Variants in ZIC1 observed in about 807,000 individuals in gnomAD.
ZIC1 encodes the protein zinc finger protein ZIC 1.
In ZIC1, 4 loss-of-function variants were observed where a neutral mutation model predicts 30.9. The ratio of observed to expected loss-of-function variants is 0.13; its 90% CI spans 0.06 to 0.30. The LOEUF (loss-of-function observed/expected upper bound fraction) is 0.30. Ranked by LOEUF, ZIC1 falls within the 10% of genes least tolerant of loss-of-function variation. ZIC1 has a pLI of 1.00. For synonymous variants in ZIC1, 305 were observed against 277.5 expected (o/e 1.10, Z -0.98); for missense variants, 441 against 639.3 (o/e 0.69, Z 3.34).
At chr3:147,411,845 C>A (rs1401898671) in intron 1 of ZIC1, among the ~76,000 whole-genome samples, 1 of 151,904 alleles carries the variant, frequency 6.6e-6, no homozygotes, top group African/African-American at 2.4e-5. Context: ...AAAAAAAGTT[C>A]CCACGAGCTC....
Position 147,410,666 on chromosome 3 carries a change from G to T in ZIC1, c.554G>T (p.Arg185Leu), listed in dbSNP as rs2107993076. Reference protein sequence around the residue: ...PEQYGQVTSPRSEHYAAPQLH... With the variant: ...PEQYGQVTSPLSEHYAAPQLH... ...CAGTACGGCCAGGTGACCAGCCCGC[G>T]TTCGGAGCACTATGCTGCGCCGCAG... The change falls in exon 1 of 3, where the codon CGT (arginine) becomes CTT (leucine). Residue 185 changes from arginine (R) to leucine (L), a missense_variant. Transcript: ENST00000282928. 1 of 1,613,846 alleles carries T rather than the reference G, an allele frequency of 6.2e-7. No individual in the cohort carries two copies. Among genetic ancestry groups the T allele is most frequent in the Non-Finnish European group, 8.5e-7 (1 of 1,179,954 alleles).
rs941435658 is a variant in ZIC1, at chr3:147,416,243, C to A, written c.*2692C>A. 6.6e-6 allele frequency: 1 copy of A among 152,216 alleles called. No individual in the cohort carries two copies. The highest frequency in any genetic ancestry group is 2.1e-4 in the South Asian group (1 of 4,830). The allele number at this position is 152,216 out of a possible 1,614,324, so 9.4% of individuals were successfully genotyped here. A position where few individuals can be genotyped will look rare whatever the true frequency, so the allele number is the denominator to read the frequency against. On this transcript the variant is annotated 3_prime_UTR_variant, in exon 3 of 3. Coordinates refer to ENST00000282928, the MANE Select transcript of ZIC1 (RefSeq NM_003412.4). ...TCTCTTCTCTCTAGAAAAGATAACA[C>A]CACAATTAATAATCCTTCCCACTTT...
In ZIC1 at chr3:147,410,133, C is replaced by G. The variant is rs762308258; in HGVS notation, c.21C>G (p.Pro7=). The G allele has an allele frequency of 3.2e-6, 5 of 1,586,878 alleles. No individual in the cohort carries two copies. Among genetic ancestry groups the G allele is most frequent in the Non-Finnish European group, 4.3e-6 (5 of 1,173,840 alleles). ...CCACGATGCTCCTGGACGCCGGCCC[C>G]CAGTACCCAGCGATCGGCGTGACCA... is the stretch of plus-strand genomic sequence containing the variant. MLLDAG[P]QYPAIGVTTF... The change falls in exon 1 of 3, where the codon CCC becomes CCG. Residue 7 remains proline, a synonymous_variant. Coordinates refer to ENST00000282928, the MANE Select transcript of ZIC1 (RefSeq NM_003412.4).
At chr3:147,412,286 C>G (rs974344848) in intron 1 of ZIC1, among the ~76,000 whole-genome samples, 2 of 152,066 alleles carry the variant, frequency 1.3e-5, no homozygotes, top group Non-Finnish European at 2.9e-5. Flanking sequence ...TTTTTTTAAA[C>G]ATAAAAATAA....
chr3:147,413,487 C>A lies in ZIC1; in HGVS notation c.1280C>A (p.Ser427Tyr), dbSNP rs772192749. The A allele has an allele frequency of 6.2e-7, 1 of 1,614,188 alleles. No individual in the cohort carries two copies. The highest frequency in any genetic ancestry group is 8.5e-7 in the Non-Finnish European group (1 of 1,180,044). Residue 427 changes from serine (S) to tyrosine (Y), a missense_variant, in exon 3 of 3, where the codon TCC becomes TAC. Ser to Tyr is a moderately radical substitution (Grantham distance 144, BLOSUM62 -2). Coordinates refer to ENST00000282928, the MANE Select transcript of ZIC1 (RefSeq NM_003412.4). ...PTTSSLSPSS[S>Y]AVHHTAGHSA... Reference sequence around the variant, plus strand: ...ACAAGCTCCTTATCGCCCTCCTCCTCCGCAGTCCACCACACAGCCGGCCAC... The same window carrying A: ...ACAAGCTCCTTATCGCCCTCCTCCTACGCAGTCCACCACACAGCCGGCCAC...
Position 147,410,229 on chromosome 3 carries a change from G to A in ZIC1, c.117G>A (p.Pro39=), listed in dbSNP as rs772782575. ...AERDVGLGIN[P]FADGMGAFKL... Reference sequence around the variant, plus strand: ...GAGACGTGGGCCTGGGCATCAACCCGTTCGCCGACGGCATGGGCGCCTTCA... The same window carrying A: ...GAGACGTGGGCCTGGGCATCAACCCATTCGCCGACGGCATGGGCGCCTTCA... The change falls in exon 1 of 3, where the codon CCG becomes CCA. Residue 39 remains proline (P), a synonymous_variant. Coordinates refer to ENST00000282928, the MANE Select transcript of ZIC1 (RefSeq NM_003412.4). 1.9e-6 allele frequency: 3 copies of A among 1,601,422 alleles called. No individual in the cohort carries two copies. Among genetic ancestry groups the A allele is most frequent in the African/African-American group, 2.7e-5 (2 of 74,916 alleles).
At position 147,410,716 on chromosome 3, in the gene ZIC1, G is replaced by C. The variant is rs1204029433; in HGVS notation, c.604G>C (p.Val202Leu). 1.2e-6 allele frequency: 2 copies of C among 1,614,048 alleles called. No individual in the cohort carries two copies. Among genetic ancestry groups the C allele is most frequent in the Non-Finnish European group, 1.7e-6 (2 of 1,179,960 alleles). Reference sequence around the variant, plus strand: ...GCTGCACGGCTACGGGCCCATGAACGTGAACATGGCCGCGCATCACGGCGC... The same window carrying C: ...GCTGCACGGCTACGGGCCCATGAACCTGAACATGGCCGCGCATCACGGCGC... ...PQLHGYGPMN[V>L]NMAAHHGAGA... Residue 202 changes from valine (V) to leucine (L), a missense_variant, in exon 1 of 3, where the codon GTG becomes CTG. Physicochemically the swap from Val to Leu is conservative, Grantham distance 32 (BLOSUM62 1). This residue lies in a region of ZIC1 where 307 missense variants were observed against 355.3 expected (regional missense o/e 0.86). Transcript: ENST00000282928.
Position 147,413,546 on chromosome 3 carries a change from G to T in ZIC1, c.1339G>T (p.Val447Phe). The change falls in exon 3 of 3, where the codon GTT (valine) becomes TTT (phenylalanine). Residue 447 changes from valine (V) to phenylalanine (F), a missense_variant. This residue lies in a region of ZIC1 where 56 missense variants were observed against 52.5 expected (regional missense o/e 1.07). Coordinates refer to ENST00000282928, the MANE Select transcript of ZIC1 (RefSeq NM_003412.4). ...ALSSNFNEWY[V>F] Reference sequence around the variant, plus strand: ...CTCTTCCAATTTTAACGAATGGTACGTTTAAAATCAGAAACAAAACATCGA... The same window carrying T: ...CTCTTCCAATTTTAACGAATGGTACTTTTAAAATCAGAAACAAAACATCGA... The T allele has an allele frequency of 1.2e-6, 2 of 1,613,836 alleles. No individual in the cohort carries two copies. Among genetic ancestry groups the T allele is most frequent in the Non-Finnish European group, 1.7e-6 (2 of 1,179,858 alleles).
chr3:147,413,268 A>G, intron 2 of ZIC1, 86 bp from the exon 3 acceptor site: 1 of 1,461,458 alleles, frequency 6.8e-7, no homozygotes, highest in Non-Finnish European at 9.3e-7. Flanking sequence ...GGGGTCCAGG[A>G]GGAAGGGCAC....
chr3:147,413,336 G>A lies in ZIC1; in HGVS notation c.1147-18G>A. 1 of 1,607,836 alleles carries A rather than the reference G, an allele frequency of 6.2e-7. No homozygotes were observed. ...ACTGGCTCTTTATGTCCGTAAAAAC[G>A]CGACTTTATTCCTGCAGGTCCACGA... On this transcript the variant is annotated intron_variant, in intron 2 of 2. Transcript: ENST00000282928.
In ZIC1 at chr3:147,410,290, G is replaced by A. The variant is rs748870052; in HGVS notation, c.178G>A (p.Gly60Ser). The A allele has an allele frequency of 6.2e-7, 1 of 1,600,096 alleles. No individual in the cohort carries two copies. Among genetic ancestry groups the A allele is most frequent in the South Asian group, 1.1e-5 (1 of 90,990 alleles). ...NPSSHELASA[G>S]QTAFTSQAPG... ...CAGTTCGCACGAGCTGGCTTCGGCC[G>A]GCCAGACGGCCTTCACGTCGCAGGC... The change falls in exon 1 of 3, where the codon GGC (glycine) becomes AGC (serine). Residue 60 changes from glycine (G) to serine (S), a missense_variant. Coordinates refer to ENST00000282928, the MANE Select transcript of ZIC1 (RefSeq NM_003412.4).
In ZIC1 at chr3:147,414,819, C is replaced by T. The variant is rs2087420517; in HGVS notation, c.*1268C>T. The T allele has an allele frequency of 6.6e-6, 1 of 152,496 alleles. No homozygotes were observed. The highest frequency in any genetic ancestry group is 2.1e-4 in the South Asian group (1 of 4,818). The allele number at this position is 152,496 out of a possible 1,614,324, so 9.4% of individuals were successfully genotyped here. On this transcript the variant is annotated 3_prime_UTR_variant, in exon 3 of 3. Coordinates refer to ENST00000282928, the MANE Select transcript of ZIC1 (RefSeq NM_003412.4). ...ACCTTTGCAGATGTAGAATAACAAC[C>T]ATAAAAATAACAGGAATAGATTGCA...
In ZIC1 at chr3:147,413,389, G is replaced by T; in HGVS notation, c.1182G>T (p.Ser394=). 1 of 1,613,852 alleles carries T rather than the reference G, an allele frequency of 6.2e-7. No homozygotes were observed. Among genetic ancestry groups the T allele is most frequent in the Non-Finnish European group, 8.5e-7 (1 of 1,179,880 alleles). Residue 394 remains serine, a synonymous_variant, in exon 3 of 3, where the codon TCG becomes TCT. Transcript: ENST00000282928. ...CCTCCTCGCAGGGCTCGCAGCCTTC[G>T]CCGGCCGCCAGCTCTGGCTACGAAT... The part of the protein sequence containing the change: ...HESSSQGSQP[S]PAASSGYESS...
chr3:147,413,319 T>C (rs2087398945), intron 2 of ZIC1, 35 bp from the exon 3 acceptor site: 1 of 1,601,802 alleles, frequency 6.2e-7, no homozygotes, highest in African/African-American at 1.3e-5. Context: ...GCACTGGCTC[T>C]TTATGTCCGT....
intron 2 of ZIC1, 109 bp from the exon 3 acceptor site, chr3:147,413,245 C>A: frequency 8.3e-7 from 1 of 1,204,996 alleles, no homozygotes; most frequent in Non-Finnish European, 1.2e-6. Context: ...CACCTGTGTT[C>A]AGGGGGCTCC....
rs983714336 is a variant in ZIC1, at chr3:147,413,727, T to C, written c.*176T>C. The C allele has an allele frequency of 3.8e-5, 26 of 684,446 alleles. No homozygotes were observed. The highest frequency in any genetic ancestry group is 1.3e-5 in the Non-Finnish European group (6 of 466,352). 42.4% of individuals were successfully genotyped at this position (684,446 alleles called of 1,614,324 possible). On this transcript the variant is annotated 3_prime_UTR_variant, in exon 3 of 3. Coordinates refer to ENST00000282928, the MANE Select transcript of ZIC1 (RefSeq NM_003412.4). Reference sequence around the variant, plus strand: ...AGTAAGAGAGGAAGCATCAACCTTTTAAAAATTTCCTTTCGCTTTCATTAT... The same window carrying C: ...AGTAAGAGAGGAAGCATCAACCTTTCAAAAATTTCCTTTCGCTTTCATTAT...
rs1328503467 is a variant in ZIC1, at chr3:147,414,416, A to G, written c.*865A>G. 6.6e-6 allele frequency: 1 copy of G among 152,608 alleles called. No individual in the cohort carries two copies. The highest frequency in any genetic ancestry group is 2.4e-5 in the African/African-American group (1 of 41,422). 9.5% of individuals were successfully genotyped at this position (152,608 alleles called of 1,614,324 possible). ...CAACCACATAATGTATATAATTCCT[A>G]GTTTCCATATTTATCCGCATGTAAA... On this transcript the variant is annotated 3_prime_UTR_variant, in exon 3 of 3. Transcript: ENST00000282928.
rs1034004731 is a variant in ZIC1 at position 147,416,665 on chromosome 3, G to C, written c.*3114G>C. The C allele has an allele frequency of 1.3e-4, 20 of 152,278 alleles. No individual in the cohort carries two copies. Among genetic ancestry groups the C allele is most frequent in the African/African-American group, 4.6e-4 (19 of 41,542 alleles). The allele number at this position is 152,278 out of a possible 1,614,324, so 9.4% of individuals were successfully genotyped here. A position where few individuals can be genotyped will look rare whatever the true frequency, so the allele number is the denominator to read the frequency against. ...TTTGAAGAGTAGTGTGTTTGCATTT[G>C]TGAATAATCTTACTCACAGCAAGTA... On this transcript the variant is annotated 3_prime_UTR_variant, in exon 3 of 3. Transcript: ENST00000282928.
chr3:147,411,674 G>A (rs1212195113), intron 1 of ZIC1, among the ~76,000 whole-genome samples: 2 of 152,190 alleles, frequency 1.3e-5, no homozygotes, highest in Admixed American at 6.5e-5. Flanking sequence ...AGTTTTAGTA[G>A]TGACTGGTTT....
Sources: gnomAD v4.1 joint callset for allele counts (sites outside exome capture counted in the v4.1 genomes callset) on GRCh38, gnomAD v4.1.1 for gene constraint, gnomAD v4.1.1 regional missense constraint, MANE v1.5 for transcripts, NCBI Gene and HGNC (gene_info 2026-07-23, HGNC 2026-07-21) for gene names.